Variants in KIF16B observed in about 807,000 individuals in gnomAD.
KIF16B encodes kinesin-like protein KIF16B.
KIF16B carries 98 observed loss-of-function variants against 156.3 expected under a neutral mutation model. That is an observed-to-expected ratio of 0.63 (90% CI 0.53 to 0.74). The LOEUF (loss-of-function observed/expected upper bound fraction) is 0.74. KIF16B is among the 30% of genes least tolerant of loss of function. KIF16B has a pLI of 0.00. For synonymous variants in KIF16B, 564 were observed against 583.7 expected (o/e 0.97, Z 0.49); for missense variants, 1,421 against 1,606.5 (o/e 0.88, Z 1.97).
intron 25 of KIF16B, among the ~76,000 whole-genome samples, chr20:16,291,602 C>T (rs2063316001): frequency 6.6e-6 from 1 of 152,180 alleles, no homozygotes; most frequent in Non-Finnish European, 1.5e-5. Context: ...ATCTCGTCAT[C>T]TAGGGGATCC....
At chr20:16,402,777 G>C (rs765158588) in intron 17 of KIF16B, among the ~76,000 whole-genome samples, 5 of 152,186 alleles carry the variant, frequency 3.3e-5, no homozygotes, top group African/African-American at 1.2e-4. Context: ...CATGGTGCAG[G>C]CTGGGACTTT....
At chr20:16,457,797 C>CA (rs1414707491) in intron 12 of KIF16B, among the ~76,000 whole-genome samples, 4 of 150,172 alleles carry the variant, frequency 2.7e-5, no homozygotes, top group Admixed American at 6.6e-5. Flanking sequence ...TGAAACAGGG[C>CA]AAAAAAAATC....
rs755707649 is a variant in KIF16B at position 16,349,688 on chromosome 20, C to T, written c.3621+6642G>A. ...GCTGCCTCGGGTTAATATTGTTCCA[C>T]GACTTTGTCAGTCCCTGGCCCCACG... On this transcript the variant is annotated intron_variant, in intron 23 of 25. Transcript: ENST00000354981. 6.0e-4 allele frequency among the ~76,000 whole-genome samples: 92 copies of T among 152,336 alleles called. 1 individual carries two copies. Among genetic ancestry groups the T allele is most frequent in the Non-Finnish European group, 3.2e-4 (22 of 68,028 alleles).
At chr20:16,468,360 T>C (rs2067554966) in intron 12 of KIF16B, among the ~76,000 whole-genome samples, 1 of 151,674 alleles carries the variant, frequency 6.6e-6, no homozygotes. Context: ...TCACCTGAGG[T>C]CAAGAGTTCG....
chr20:16,505,133 G>T (rs1385876558), intron 9 of KIF16B, among the ~76,000 whole-genome samples: 1 of 152,176 alleles, frequency 6.6e-6, no homozygotes, highest in Admixed American at 6.5e-5. Flanking sequence ...GGAAGGGCAT[G>T]AAGAGAGGGG....
chr20:16,427,091 T>TA lies in KIF16B; in HGVS notation c.1612+12dup. Reference sequence around the variant, plus strand: ...AATATATACAAAGACCTGTGAAAATTAAAACCAGATACCTTGATTTAGATG... The same window carrying TA: ...AATATATACAAAGACCTGTGAAAATTAAAAACCAGATACCTTGATTTAGATG... On this transcript the variant is annotated intron_variant, in intron 15 of 25. Transcript: ENST00000354981. The TA allele has an allele frequency of 3.8e-6, 6 of 1,589,380 alleles. No homozygotes were observed. The highest frequency in any genetic ancestry group is 5.1e-6 in the Non-Finnish European group (6 of 1,170,246).
In KIF16B at chr20:16,441,286, C is replaced by T. The variant is rs6043948; in HGVS notation, c.1303-11304G>A. Among the ~76,000 whole-genome samples, 899 of 152,262 alleles carry T rather than the reference C, an allele frequency of 5.9e-3. 14 individuals are homozygous for T. The highest frequency in any genetic ancestry group is 0.02 in the African/African-American group (835 of 41,562). ...TTCTTGTTTCTCACCCACGGAAATA[C>T]GTCATGCTCATCTTCACCCTCCGGC... On this transcript the variant is annotated intron_variant, in intron 12 of 25. Coordinates refer to ENST00000354981, the MANE Select transcript of KIF16B (RefSeq NM_024704.5).
chr20:16,488,257 C>T (rs2068182855), intron 12 of KIF16B, among the ~76,000 whole-genome samples: 1 of 152,244 alleles, frequency 6.6e-6, no homozygotes. Context: ...CTGCTCTGGA[C>T]AGACACTCAC....
At chr20:16,289,435 C>T (rs1272311896) in intron 25 of KIF16B, among the ~76,000 whole-genome samples, 1 of 152,162 alleles carries the variant, frequency 6.6e-6, no homozygotes, top group Non-Finnish European at 1.5e-5. Context: ...AATGTTTTCT[C>T]CTTCAAAGGA....
rs1469759399 is a variant in KIF16B, at chr20:16,308,180, C to T, written c.3795+4155G>A. Among the ~76,000 whole-genome samples, 4 of 152,170 alleles carry T rather than the reference C, an allele frequency of 2.6e-5. No individual in the cohort carries two copies. The East Asian group carries it at 7.7e-4, about 29-fold the overall frequency. On this transcript the variant is annotated intron_variant, in intron 25 of 25. Transcript: ENST00000354981. The stretch of plus-strand genomic sequence containing the variant: ...TCACAAAGTGAATATTTGAAGTCAA[C>T]AATCACAATAAACATCTTTCCTTAA...
At position 16,512,782 on chromosome 20, in the gene KIF16B, C is replaced by T. The variant is rs773002835; in HGVS notation, c.446+44G>A. On this transcript the variant is annotated intron_variant, in intron 5 of 25. Coordinates refer to ENST00000354981, the MANE Select transcript of KIF16B (RefSeq NM_024704.5). ...CTAAATGCAGGCCAACCAGCATTGACTCTAATCAAGCTCACACACAGTTAC... is the reference window on the plus strand; with the variant it reads ...CTAAATGCAGGCCAACCAGCATTGATTCTAATCAAGCTCACACACAGTTAC... The T allele has an allele frequency of 6.7e-6, 9 of 1,350,352 alleles. No individual in the cohort carries two copies. In the South Asian group the frequency reaches 1.1e-4, roughly 16 times the overall value. The allele number at this position is 1,350,352 out of a possible 1,614,324, so 83.6% of individuals were successfully genotyped here. A position where few individuals can be genotyped will look rare whatever the true frequency, so the allele number is the denominator to read the frequency against.
At chr20:16,350,459 A>G (rs1438691893) in intron 23 of KIF16B, among the ~76,000 whole-genome samples, 1 of 151,890 alleles carries the variant, frequency 6.6e-6, no homozygotes, top group Non-Finnish European at 1.5e-5. Flanking sequence ...AAACAGATGT[A>G]CCCTGCGGGT....
intron 25 of KIF16B, among the ~76,000 whole-genome samples, chr20:16,286,942 T>C (rs1271717129): frequency 6.6e-6 from 1 of 152,220 alleles, no homozygotes; most frequent in African/African-American, 2.4e-5. Context: ...CTGAGCCTAG[T>C]CCTTAGTGGA....
chr20:16,448,411 A>C (rs185291826), intron 12 of KIF16B, among the ~76,000 whole-genome samples: 1 of 152,328 alleles, frequency 6.6e-6, no homozygotes, highest in East Asian at 1.9e-4. Flanking sequence ...GACAAGCCAA[A>C]CTAGACAAAT....
At chr20:16,308,050 TA>T in intron 25 of KIF16B, among the ~76,000 whole-genome samples, 1 of 152,326 alleles carries the variant, frequency 6.6e-6, no homozygotes, top group Admixed American at 6.5e-5. Flanking sequence ...TATCCTTTTT[TA>T]TACTTTAATG....
At chr20:16,550,078 A>C (rs1285575462) in intron 1 of KIF16B, among the ~76,000 whole-genome samples, 1 of 111,690 alleles carries the variant, frequency 9.0e-6, no homozygotes, top group African/African-American at 3.8e-5. Context: ...AAATGGGAGA[A>C]AATTTTCGCA....
intron 12 of KIF16B, among the ~76,000 whole-genome samples, chr20:16,488,704 A>G (rs2068196232): frequency 6.6e-6 from 1 of 152,242 alleles, no homozygotes; most frequent in Non-Finnish European, 1.5e-5. Flanking sequence ...GGAAACCGAT[A>G]TGAAGGGTCT....
At chr20:16,277,179 T>C (rs1568804992) in intron 25 of KIF16B, among the ~76,000 whole-genome samples, 1 of 152,234 alleles carries the variant, frequency 6.6e-6, no homozygotes, top group African/African-American at 2.4e-5. Context: ...GATGCGGCCA[T>C]GCTGTGCGCA....
Position 16,369,115 on chromosome 20 carries a change from G to A in KIF16B, c.3498+1471C>T, listed in dbSNP as rs368161407. ...TCTCTCTTGTGATGCTGAGGAAGTTGTTTTAGGGCCTGAGACGCTCCACAG... is the reference window on the plus strand; with the variant it reads ...TCTCTCTTGTGATGCTGAGGAAGTTATTTTAGGGCCTGAGACGCTCCACAG... On this transcript the variant is annotated intron_variant, in intron 22 of 25. Transcript: ENST00000354981. 12 of 985,744 alleles carry A rather than the reference G, an allele frequency of 1.2e-5. No homozygotes were observed. The East Asian group carries it at 1.1e-3, about 93-fold the overall frequency. 61.1% of individuals were successfully genotyped at this position (985,744 alleles called of 1,614,324 possible). A position where few individuals can be genotyped will look rare whatever the true frequency, so the allele number is the denominator to read the frequency against.
Sources: allele counts gnomAD v4.1 joint callset (sites outside exome capture counted in the v4.1 genomes callset), GRCh38; gene constraint gnomAD v4.1.1; transcripts MANE v1.5; gene names NCBI Gene and HGNC (gene_info 2026-07-23, HGNC 2026-07-21).